VSIG10: variants seen among roughly 807,000 people sequenced by gnomAD.
VSIG10 encodes V-set and immunoglobulin domain-containing protein 10.
VSIG10 carries 48 observed loss-of-function variants against 58.7 expected under a neutral mutation model. The ratio of observed to expected loss-of-function variants is 0.82; its 90% CI spans 0.65 to 1.04. The LOEUF is 1.04. VSIG10 is among the 50% of genes least tolerant of loss of function. The pLI, the probability that VSIG10 is intolerant of heterozygous loss-of-function variation, is 0.00. For missense variants in VSIG10, 628 were observed against 670.0 expected, an observed-to-expected ratio of 0.94 and a Z score of 0.69; for synonymous variants, 260 against 267.1, an observed-to-expected ratio of 0.97 and a Z score of 0.26.
chr12:118,072,244 T>G (rs1490780896), intron 5 of VSIG10, among the ~76,000 whole-genome samples: 5 of 151,642 alleles, frequency 3.3e-5, no homozygotes, highest in Admixed American at 2.6e-4. Context: ...GGCAGGCGGA[T>G]CACGAGGTCA....
chr12:118,072,646 C>T (rs2032544338), intron 5 of VSIG10, among the ~76,000 whole-genome samples: 1 of 151,882 alleles, frequency 6.6e-6, no homozygotes, highest in South Asian at 2.1e-4. Flanking sequence ...TCACTTCAGG[C>T]CAGGAGTTCA....
Position 118,066,676 on chromosome 12 carries a change from T to C in VSIG10, c.1586A>G (p.Gln529Arg). ...QDLQDDSSEEQSDIVQEEDRP... is the reference protein window; with the variant it reads ...QDLQDDSSEERSDIVQEEDRP... Reference sequence around the variant, plus strand: ...GTCTTCTTCTTGAACAATGTCACTTTGCTCCTCACTGCTGTCATCTGTATG... The same window carrying C: ...GTCTTCTTCTTGAACAATGTCACTTCGCTCCTCACTGCTGTCATCTGTATG... The change falls in exon 9 of 9, where the codon CAA (glutamine) becomes CGA (arginine). Residue 529 changes from glutamine to arginine, a missense_variant. Gln to Arg is a conservative substitution (Grantham distance 43). Transcript: ENST00000359236. 6.2e-7 allele frequency: 1 copy of C among 1,612,030 alleles called. No homozygotes were observed. The highest frequency in any genetic ancestry group is 8.5e-7 in the Non-Finnish European group (1 of 1,178,846).
chr12:118,092,078 A>G (rs1374279648), intron 2 of VSIG10, among the ~76,000 whole-genome samples: 1 of 151,484 alleles, frequency 6.6e-6, no homozygotes, highest in Admixed American at 6.6e-5. Flanking sequence ...TTTTATTTTG[A>G]GGCAGGATCT....
At chr12:118,080,449 C>T (rs1456920846) in intron 3 of VSIG10, among the ~76,000 whole-genome samples, 6 of 152,124 alleles carry the variant, frequency 3.9e-5, no homozygotes, top group African/African-American at 1.2e-4. Flanking sequence ...CGTGAGCCAC[C>T]GCGCTCAGCC....
chr12:118,092,780 C>T (rs1260751733), intron 2 of VSIG10, among the ~76,000 whole-genome samples: 4 of 151,846 alleles, frequency 2.6e-5, no homozygotes, highest in African/African-American at 4.8e-5. Context: ...GAACTACAGG[C>T]ACACGCCATC....
chr12:118,083,210 G>A (rs1311750295), intron 2 of VSIG10, among the ~76,000 whole-genome samples: 1 of 150,612 alleles, frequency 6.6e-6, no homozygotes, highest in Non-Finnish European at 1.5e-5. Context: ...GGGAGGCTGA[G>A]GTAGGAGGAT....
intron 8 of VSIG10, 59 bp from the exon 9 acceptor site, chr12:118,066,753 G>T: frequency 1.3e-6 from 2 of 1,497,048 alleles, no homozygotes; most frequent in Non-Finnish European, 1.8e-6. Context: ...TATTTCCACC[G>T]TCAGTCATCA....
chr12:118,091,094 C>CAGACGACAGAGGG (rs770414212), intron 2 of VSIG10, among the ~76,000 whole-genome samples: 183 of 152,248 alleles, frequency 1.2e-3, no homozygotes, highest in Non-Finnish European at 2.4e-3. Flanking sequence ...AAGGTGGCGC[C>CAGACGACAGAGGG]ACTGTATTCC....
At chr12:118,085,501 G>A (rs141093311) in intron 2 of VSIG10, among the ~76,000 whole-genome samples, 9 of 152,328 alleles carry the variant, frequency 5.9e-5, no homozygotes, top group African/African-American at 2.2e-4. Context: ...TTCATGGGCT[G>A]ATTTATCTCT....
chr12:118,092,638 CTT>C (rs35654590), intron 2 of VSIG10, among the ~76,000 whole-genome samples: 5 of 140,436 alleles, frequency 3.6e-5, no homozygotes, highest in Admixed American at 7.3e-5. Flanking sequence ...TTTTCTTTTT[CTT>C]TTTTTTTTTT....
intron 3 of VSIG10, among the ~76,000 whole-genome samples, chr12:118,081,512 C>T (rs556971989): frequency 6.6e-6 from 1 of 151,710 alleles, no homozygotes; most frequent in South Asian, 2.1e-4. Flanking sequence ...AATGGTTAAT[C>T]CTACGTACTT....
At chr12:118,076,243 T>C (rs1191590872) in intron 4 of VSIG10, among the ~76,000 whole-genome samples, 1 of 152,202 alleles carries the variant, frequency 6.6e-6, no homozygotes, top group East Asian at 1.9e-4. Flanking sequence ...TGGTTCCTTT[T>C]GGACGCTCTA....
intron 7 of VSIG10, 59 bp downstream of exon 7, chr12:118,070,993 A>T (rs1382905877): frequency 2.0e-5 from 31 of 1,581,018 alleles, no homozygotes; most frequent in Non-Finnish European, 2.6e-5. Flanking sequence ...AAGGGAACAA[A>T]ACAGAAGTGA....
intron 5 of VSIG10, 47 bp downstream of exon 5, chr12:118,073,652 C>G (rs372928742): frequency 8.4e-6 from 13 of 1,549,296 alleles, no homozygotes; most frequent in Non-Finnish European, 9.6e-6. Context: ...GCTGGGTGCT[C>G]TGAAGCTCTG....
At chr12:118,074,179 C>T (rs764135536) in intron 4 of VSIG10, among the ~76,000 whole-genome samples, 187 bp from the exon 5 acceptor site, 8 of 150,512 alleles carry the variant, frequency 5.3e-5, no homozygotes, top group East Asian at 4.0e-4. Context: ...GCCTCCCTCC[C>T]GGGTTCAAGC....
Position 118,066,590 on chromosome 12 carries a change from G to A in VSIG10, c.*49C>T. 1 of 1,596,582 alleles carries A rather than the reference G, an allele frequency of 6.3e-7. No individual in the cohort carries two copies. Among genetic ancestry groups the A allele is most frequent in the Non-Finnish European group, 8.6e-7 (1 of 1,164,000 alleles). On this transcript the variant is annotated 3_prime_UTR_variant, in exon 9 of 9. Coordinates refer to ENST00000359236, the MANE Select transcript of VSIG10 (RefSeq NM_019086.6). Reference sequence around the variant, plus strand: ...GCTGAATGAAGAGCTCGTCTTCAATGTAGCTCTCCAAGCTTTCAGAGCAAG... The same window carrying A: ...GCTGAATGAAGAGCTCGTCTTCAATATAGCTCTCCAAGCTTTCAGAGCAAG...
chr12:118,095,828 G>A lies in VSIG10; in HGVS notation c.80-14C>T. 6.3e-7 allele frequency: 1 copy of A among 1,596,966 alleles called. No homozygotes were observed. Among genetic ancestry groups the A allele is most frequent in the Non-Finnish European group, 8.5e-7 (1 of 1,171,118 alleles). ...CAGCCTCCAATCCTGTACAAGGCAA[G>A]ATCAGGCTGTTACTACCCTTCTTAA... On this transcript the variant is annotated splice_polypyrimidine_tract_variant and intron_variant, in intron 1 of 8. Transcript: ENST00000359236.
chr12:118,083,579 AAAATAAAT>A (rs930311619), intron 2 of VSIG10, among the ~76,000 whole-genome samples: 4 of 151,922 alleles, frequency 2.6e-5, no homozygotes, highest in Non-Finnish European at 5.9e-5. Flanking sequence ...ACTTCATCTC[AAAATAAAT>A]AAATAAATAA....
chr12:118,101,050 TCTC>T (rs1003805343), intron 1 of VSIG10, among the ~76,000 whole-genome samples: 1 of 152,234 alleles, frequency 6.6e-6, no homozygotes, highest in Non-Finnish European at 1.5e-5. Flanking sequence ...AACATTGTTT[TCTC>T]CTCCAAGGCA....
Sources: allele counts gnomAD v4.1 joint callset (sites outside exome capture counted in the v4.1 genomes callset), GRCh38; gene constraint gnomAD v4.1.1; transcripts MANE v1.5; gene names NCBI Gene and HGNC (gene_info 2026-07-23, HGNC 2026-07-21).